The following TANGO6 variants were observed in gnomAD, a reference collection of about 807,000 sequenced individuals.
The protein encoded by TANGO6 is transport and golgi organization 6 homolog.
In TANGO6, 90 loss-of-function variants were observed where a neutral mutation model predicts 114.2. The observed-to-expected ratio is 0.79, with a 90% confidence interval of 0.66 to 0.94. TANGO6 has a LOEUF of 0.94. TANGO6 is among the 40% of genes least tolerant of loss of function. The probability of loss-of-function intolerance (pLI) is 0.00; values close to 1 mark genes in which losing one functional copy is unlikely to be tolerated. For missense variants in TANGO6, 1,274 were observed against 1,315.3 expected, an observed-to-expected ratio of 0.97 and a Z score of 0.49; for synonymous variants, 477 against 509.8, an observed-to-expected ratio of 0.94 and a Z score of 0.87.
rs977197922 is a variant in TANGO6 at position 68,917,608 on chromosome 16, A to C, written c.1993-1477A>C. Among the ~76,000 whole-genome samples, 48 of 152,120 alleles carry C rather than the reference A, an allele frequency of 3.2e-4. 1 individual carries two copies. Among genetic ancestry groups the C allele is most frequent in the African/African-American group, 1.2e-3 (48 of 41,426 alleles). On this transcript the variant is annotated intron_variant, in intron 11 of 17. Coordinates refer to ENST00000261778, the MANE Select transcript of TANGO6 (RefSeq NM_024562.2). Reference sequence around the variant, plus strand: ...CAGTTCTCTGGATTTTGGCCATTCTATTAGGTGTGTAACAGTATATCACCA... The same window carrying C: ...CAGTTCTCTGGATTTTGGCCATTCTCTTAGGTGTGTAACAGTATATCACCA...
intron 7 of TANGO6, among the ~76,000 whole-genome samples, chr16:68,894,201 C>G (rs75630220): frequency 0.023 from 3,568 of 152,292 alleles, 99 homozygotes; most frequent in African/African-American, 0.066. Context: ...CCTCTCATTT[C>G]CCTGAATAGG....
At position 68,878,215 on chromosome 16, in the gene TANGO6, A is replaced by G; in HGVS notation, c.1229A>G (p.His410Arg). The change falls in exon 6 of 18, where the codon CAT becomes CGT. Residue 410 changes from histidine to arginine, a missense_variant. His to Arg is a conservative substitution (Grantham distance 29). Around this residue, in one of 5 missense-constraint regions of TANGO6, gnomAD observed 908 missense variants for 910.2 expected, o/e 1.00. Transcript: ENST00000261778. ...ATAACTTTGTCAAGAGAACGCCCAC[A>G]TTTGGCAGCAAAGTATTTGCTCCAG... Reference protein sequence around the residue: ...TFITLSRERPHLAAKYLLQPV... With the variant: ...TFITLSRERPRLAAKYLLQPV... 2 of 1,613,328 alleles carry G rather than the reference A, an allele frequency of 1.2e-6. No homozygotes were observed. The highest frequency in any genetic ancestry group is 1.7e-6 in the Non-Finnish European group (2 of 1,179,654).
intron 9 of TANGO6, among the ~76,000 whole-genome samples, chr16:68,905,677 G>C (rs1227738606): frequency 1.3e-5 from 2 of 152,048 alleles, no homozygotes; most frequent in East Asian, 3.9e-4. Flanking sequence ...TTCTTGCCCA[G>C]CCTGGGCAAT....
chr16:68,942,729 C>T (rs747821689), intron 14 of TANGO6, among the ~76,000 whole-genome samples: 49 of 152,200 alleles, frequency 3.2e-4, no homozygotes, highest in Non-Finnish European at 6.0e-4. Flanking sequence ...AGAAAAAGTT[C>T]AGGAGCTGAT....
intron 15 of TANGO6, among the ~76,000 whole-genome samples, chr16:69,013,636 C>T (rs374075347): frequency 7.8e-5 from 11 of 141,178 alleles, no homozygotes; most frequent in African/African-American, 2.3e-4. Context: ...AAAAAAAAGG[C>T]GGGGTTGCCT....
At chr16:69,009,504 A>G (rs1597056452) in intron 15 of TANGO6, among the ~76,000 whole-genome samples, 2 of 152,272 alleles carry the variant, frequency 1.3e-5, no homozygotes, top group East Asian at 3.9e-4. Context: ...GAGTCCTCCA[A>G]CTTTTTCACT....
Position 69,022,863 on chromosome 16 carries a change from C to T in TANGO6, c.2878C>T (p.His960Tyr). ...CTCAAAGTACCGAGAACCTTTGATC[C>T]ATACCTTCCTGAGGGGAGTGAGAGA... ...MVSKYREPLIHTFLRGVRDPD... is the reference protein window; with the variant it reads ...MVSKYREPLIYTFLRGVRDPD... Residue 960 changes from histidine (H) to tyrosine (Y), a missense_variant, in exon 16 of 18, where the codon CAT (histidine) becomes TAT (tyrosine). By Grantham distance (83) the His-to-Tyr change is moderately conservative. Transcript: ENST00000261778. 6.3e-7 allele frequency: 1 copy of T among 1,590,832 alleles called. No individual in the cohort carries two copies. Among genetic ancestry groups the T allele is most frequent in the Non-Finnish European group, 8.6e-7 (1 of 1,168,034 alleles).
At chr16:69,079,209 A>G (rs554210581) in intron 17 of TANGO6, among the ~76,000 whole-genome samples, 53 of 152,150 alleles carry the variant, frequency 3.5e-4, no homozygotes, top group African/African-American at 1.3e-3. Flanking sequence ...GCATGCCTGT[A>G]ATCCCACCTA....
At chr16:68,859,744 C>A in intron 1 of TANGO6, 140 bp from the exon 2 acceptor site, 5 of 915,888 alleles carry the variant, frequency 5.5e-6, no homozygotes, top group Non-Finnish European at 6.4e-6. Context: ...TGGGTTGGTA[C>A]CCCTGGGGGA....
In TANGO6 at chr16:68,855,080, C is replaced by T. The variant is rs1436103095; in HGVS notation, c.95-4804C>T. 5.3e-5 allele frequency among the ~76,000 whole-genome samples: 8 copies of T among 151,080 alleles called. No homozygotes were observed. The South Asian group carries it at 1.5e-3, about 28-fold the overall frequency. ...AGTCCAATGGCGTGATCTCAGCTTACTGCAACTACCCAGCTACCTGGGAGG... is the reference window on the plus strand; with the variant it reads ...AGTCCAATGGCGTGATCTCAGCTTATTGCAACTACCCAGCTACCTGGGAGG... On this transcript the variant is annotated intron_variant, in intron 1 of 17. Transcript: ENST00000261778.
chr16:68,976,339 T>C (rs533180827), intron 15 of TANGO6, among the ~76,000 whole-genome samples: 4 of 152,388 alleles, frequency 2.6e-5, no homozygotes, highest in Non-Finnish European at 4.4e-5. Flanking sequence ...AGTAAAATTT[T>C]ATTTTTGCCT....
At chr16:68,929,156 T>C (rs1424883967) in intron 13 of TANGO6, among the ~76,000 whole-genome samples, 2 of 152,140 alleles carry the variant, frequency 1.3e-5, no homozygotes, top group African/African-American at 4.8e-5. Flanking sequence ...TCACATCAAG[T>C]GATTCACCTG....
intron 16 of TANGO6, among the ~76,000 whole-genome samples, chr16:69,039,540 G>A (rs1044545186): frequency 2.7e-5 from 4 of 150,888 alleles, no homozygotes; most frequent in African/African-American, 4.9e-5. Flanking sequence ...GGAGGCTGAG[G>A]TGGGAGGGTC....
Position 69,074,792 on chromosome 16 carries a change from G to A in TANGO6, c.3109-8693G>A, listed in dbSNP as rs552074807. 9.9e-5 allele frequency among the ~76,000 whole-genome samples: 14 copies of A among 140,766 alleles called. No homozygotes were observed. In the South Asian group the frequency reaches 2.9e-3, roughly 29 times the overall value. 92.3% of individuals were successfully genotyped at this position (140,766 alleles called of 152,430 possible). On this transcript the variant is annotated intron_variant, in intron 17 of 17. Transcript: ENST00000261778. ...ACTCAAAATGGAGTCACTCTGGTTC[G>A]AATGCCTGTGTGTGTGTGTGTGTGT...
intron 15 of TANGO6, among the ~76,000 whole-genome samples, chr16:68,978,224 G>A (rs999864730): frequency 1.3e-5 from 2 of 152,108 alleles, no homozygotes; most frequent in Non-Finnish European, 2.9e-5. Context: ...CTACCTTTGG[G>A]ATGATAAACA....
Position 68,843,568 on chromosome 16 carries a change from C to A in TANGO6, c.-50C>A, listed in dbSNP as rs571398339. The A allele has an allele frequency of 1.9e-5, 30 of 1,574,406 alleles. No individual in the cohort carries two copies. Among genetic ancestry groups the A allele is most frequent in the Non-Finnish European group, 2.6e-5 (30 of 1,152,616 alleles). Reference sequence around the variant, plus strand: ...CACACTTAACATGGCGGCGGCGGCGCCCTGCCGAGGCGCCTGAGCGGGTCG... The same window carrying A: ...CACACTTAACATGGCGGCGGCGGCGACCTGCCGAGGCGCCTGAGCGGGTCG... On this transcript the variant is annotated 5_prime_UTR_variant, in exon 1 of 18. Transcript: ENST00000261778.
chr16:68,904,880 C>T (rs1197590212), intron 9 of TANGO6, among the ~76,000 whole-genome samples: 4 of 152,090 alleles, frequency 2.6e-5, no homozygotes, highest in African/African-American at 9.7e-5. Flanking sequence ...GTGAGGATTG[C>T]TTGAGGCCAG....
intron 17 of TANGO6, among the ~76,000 whole-genome samples, chr16:69,067,537 A>AAAAAAAAAAAG (rs1960233882): frequency 1.3e-5 from 2 of 148,280 alleles, no homozygotes; most frequent in African/African-American, 5.0e-5. Flanking sequence ...AAAAAAAAAA[A>AAAAAAAAAAAG]CGCTGGGCGC....
rs1157174403 is a variant in TANGO6 at position 68,878,153 on chromosome 16, A to T, written c.1167A>T (p.Thr389=). The T allele has an allele frequency of 6.2e-7, 1 of 1,611,110 alleles. No homozygotes were observed. The highest frequency in any genetic ancestry group is 8.5e-7 in the Non-Finnish European group (1 of 1,179,056). ...TATTTCACTTTCAAGATAAATTGAC[A>T]GCACGACAATTTCAGAGAGTTGCCA... is the stretch of plus-strand genomic sequence containing the variant. The part of the protein sequence containing the change: ...LDLFHFQDKL[T]ARQFQRVATT... Residue 389 remains threonine, a synonymous_variant, in exon 6 of 18, where the codon ACA becomes ACT. Transcript: ENST00000261778.
Sources: gnomAD v4.1 joint callset for allele counts (sites outside exome capture counted in the v4.1 genomes callset) on GRCh38, gnomAD v4.1.1 for gene constraint, gnomAD v4.1.1 regional missense constraint, MANE v1.5 for transcripts, NCBI Gene and HGNC (gene_info 2026-07-23, HGNC 2026-07-21) for gene names.